The following CHRDL2 variants were observed in gnomAD, a reference collection of about 807,000 sequenced individuals.
CHRDL2 encodes the protein chordin-like protein 2.
CHRDL2 carries 41 observed loss-of-function variants against 54.3 expected under a neutral mutation model. That is an observed-to-expected ratio of 0.76 (90% confidence interval 0.59 to 0.98). The LOEUF is 0.98. Ranked by LOEUF, CHRDL2 falls within the 50% of genes least tolerant of loss-of-function variation. The pLI is 0.00. For synonymous variants in CHRDL2, 220 were observed against 224.3 expected, an observed-to-expected ratio of 0.98 and a Z score of 0.17; for missense variants, 518 against 562.4, an observed-to-expected ratio of 0.92 and a Z score of 0.80.
intron 4 of CHRDL2, 78 bp from the exon 5 acceptor site, chr11:74,708,473 T>G (rs890382737): frequency 9.3e-7 from 1 of 1,070,712 alleles, no homozygotes; most frequent in African/African-American, 1.6e-5. Context: ...CCCCCTTCCC[T>G]GGGAGCAAAT....
In CHRDL2 at chr11:74,697,524, C is replaced by CA. The variant is rs1488899244; in HGVS notation, c.1121-228dup. The stretch of plus-strand genomic sequence containing the variant: ...CCCTGTTGTCTTGTCTGGGTCACTA[C>CA]ACTAGAGTCCTAACCCCTTTCACTC... On this transcript the variant is annotated intron_variant, in intron 9 of 10. Transcript: ENST00000376332. 35 of 578,134 alleles carry CA rather than the reference C, an allele frequency of 6.1e-5. No homozygotes were observed. In the African/African-American group the frequency reaches 6.1e-4, roughly 10 times the overall value. The allele number at this position is 578,134 out of a possible 1,614,324, so 35.8% of individuals were successfully genotyped here.
intron 4 of CHRDL2, among the ~76,000 whole-genome samples, chr11:74,709,012 G>T (rs1235068311): frequency 6.6e-6 from 1 of 152,230 alleles, no homozygotes; most frequent in African/African-American, 2.4e-5. Context: ...TGAGGGAATG[G>T]CTGTGAAAAG....
In CHRDL2 at chr11:74,704,602, C is replaced by G. The variant is rs554292884; in HGVS notation, c.635G>C (p.Gly212Ala). The G allele has an allele frequency of 1.4e-5, 22 of 1,602,012 alleles. No individual in the cohort carries two copies. In the South Asian group the frequency reaches 2.5e-4, roughly 18 times the overall value. ...SSDAGRKRGPGTPAPTGLSAP... is the reference protein window; with the variant it reads ...SSDAGRKRGPATPAPTGLSAP... ...GCTGAGGCCAGTGGGGGCTGGGGTGCCCGGGCCTCTCTTTCTCCCAGCATC... is the reference window on the plus strand; with the variant it reads ...GCTGAGGCCAGTGGGGGCTGGGGTGGCCGGGCCTCTCTTTCTCCCAGCATC... The change falls in exon 7 of 11, where the codon GGC (glycine) becomes GCC (alanine). Residue 212 changes from glycine to alanine, a missense_variant. By Grantham distance (60) the Gly-to-Ala change is moderately conservative. Coordinates refer to ENST00000376332, the MANE Select transcript of CHRDL2 (RefSeq NM_001278473.3).
intron 2 of CHRDL2, among the ~76,000 whole-genome samples, chr11:74,717,965 C>G (rs1565156957): frequency 6.6e-6 from 1 of 152,210 alleles, no homozygotes; most frequent in Non-Finnish European, 1.5e-5. Context: ...TTCTGGACCA[C>G]ATGGGGGTCT....
intron 6 of CHRDL2, 185 bp from the exon 7 acceptor site, chr11:74,704,839 C>T (rs1055777949): frequency 6.4e-6 from 4 of 628,410 alleles, no homozygotes; most frequent in East Asian, 6.3e-5. Flanking sequence ...TCAGACAGTT[C>T]GATCTTTGAA....
chr11:74,703,499 G>A lies in CHRDL2; in HGVS notation c.752C>T (p.Ala251Val). The change falls in exon 8 of 11, where the codon GCC becomes GTC. Residue 251 changes from alanine (A) to valine (V), a missense_variant and splice_region_variant. Transcript: ENST00000376332. ...KIVLKEKHKK[A>V]CVHGGKTYSH... Reference sequence around the variant, plus strand: ...GTACGTCTTCCCGCCATGCACACAGGCTGAATAAGGAGGGTGAGAAGGAAG... The same window carrying A: ...GTACGTCTTCCCGCCATGCACACAGACTGAATAAGGAGGGTGAGAAGGAAG... The A allele has an allele frequency of 6.3e-7, 1 of 1,586,138 alleles. No individual in the cohort carries two copies. The highest frequency in any genetic ancestry group is 8.6e-7 in the Non-Finnish European group (1 of 1,163,112).
chr11:74,719,014 C>T (rs901254204), intron 1 of CHRDL2, 182 bp from the exon 2 acceptor site: 17 of 585,108 alleles, frequency 2.9e-5, no homozygotes, highest in Admixed American at 2.4e-4. Flanking sequence ...GTTTGAATCT[C>T]GGCTTTACCA....
At chr11:74,729,733 G>A (rs943194413) in intron 1 of CHRDL2, among the ~76,000 whole-genome samples, 71 of 152,192 alleles carry the variant, frequency 4.7e-4, no homozygotes, top group African/African-American at 1.7e-3. Flanking sequence ...CCCAGGCTGT[G>A]CCATGTATGT....
intron 10 of CHRDL2, 45 bp downstream of exon 10, chr11:74,697,157 CCTT>C (rs2033624916): frequency 1.3e-6 from 2 of 1,489,578 alleles, no homozygotes. Flanking sequence ...TGGCCCGTGT[CCTT>C]GCCTTCTTCC....
At chr11:74,697,075 C>T (rs2033621105) in intron 10 of CHRDL2, 130 bp downstream of exon 10, 10 of 673,750 alleles carry the variant, frequency 1.5e-5, no homozygotes, top group East Asian at 5.2e-5. Flanking sequence ...GATTCCTGTG[C>T]TGGGAACTGA....
chr11:74,699,153 A>AT (rs1762717587), intron 9 of CHRDL2: 2 of 152,290 alleles, frequency 1.3e-5, no homozygotes, highest in Admixed American at 1.3e-4. Context: ...AACAAGCATG[A>AT]GATGAGATGG....
Position 74,704,487 on chromosome 11 carries a change from T to G in CHRDL2, c.750A>C (p.Lys250Asn). Residue 250 changes from lysine to asparagine, a missense_variant and splice_region_variant, in exon 7 of 11, where the codon AAA (lysine) becomes AAC (asparagine). Transcript: ENST00000376332. ...VKIVLKEKHKKACVHGGKTYS... is the reference protein window; with the variant it reads ...VKIVLKEKHKNACVHGGKTYS... ...ATTGGAGGAGGGTCCAGTCCCCACC[T>G]TTCTTATGTTTCTCCTTCAGGACGA... The G allele has an allele frequency of 6.3e-7, 1 of 1,584,938 alleles. No individual in the cohort carries two copies. The highest frequency in any genetic ancestry group is 1.2e-5 in the South Asian group (1 of 85,080).
At chr11:74,724,148 A>G (rs2034537794) in intron 1 of CHRDL2, among the ~76,000 whole-genome samples, 1 of 152,260 alleles carries the variant, frequency 6.6e-6, no homozygotes, top group Non-Finnish European at 1.5e-5. Context: ...TTCTCTAGGA[A>G]CATGCCTGAG....
At chr11:74,719,697 C>T (rs915577514) in intron 1 of CHRDL2, among the ~76,000 whole-genome samples, 5 of 152,174 alleles carry the variant, frequency 3.3e-5, no homozygotes, top group Non-Finnish European at 7.3e-5. Flanking sequence ...TTTTTGCAAT[C>T]GCACATCAGT....
chr11:74,719,072 C>T lies in CHRDL2; in HGVS notation c.83-240G>A, dbSNP rs75439151. ...GCATGCCACTGTCTCTGAGCCTTAA[C>T]GCTTATCTCACAGGGCAGTTAGGGA... On this transcript the variant is annotated intron_variant, in intron 1 of 10. Transcript: ENST00000376332. 4.0e-3 allele frequency: 1,950 copies of T among 485,150 alleles called. 11 individuals carry two copies. The highest frequency in any genetic ancestry group is 0.039 in the Middle Eastern group (76 of 1,942). The allele number at this position is 485,150 out of a possible 1,614,324, so 30.1% of individuals were successfully genotyped here.
In CHRDL2 at chr11:74,731,063, G is replaced by GGGA; in HGVS notation, c.-178_-176dup. ...GGTGGGCAGGAAAGGAGGGCAGGAA[G>GGGA]GGAGGTCTAAGGTGGGAAGAAGAGA... On this transcript the variant is annotated 5_prime_UTR_variant, in exon 1 of 11. Coordinates refer to ENST00000376332, the MANE Select transcript of CHRDL2 (RefSeq NM_001278473.3). The surrounding 1 kb of genome is among the most constrained non-coding windows in gnomAD (Gnocchi z 4.4). 1.7e-6 allele frequency: 1 copy of GGGA among 603,188 alleles called. No homozygotes were observed. The highest frequency in any genetic ancestry group is 1.9e-5 in the African/African-American group (1 of 53,906). 37.4% of individuals were successfully genotyped at this position (603,188 alleles called of 1,614,324 possible).
chr11:74,702,326 G>T (rs2033845195), intron 9 of CHRDL2, among the ~76,000 whole-genome samples: 1 of 152,060 alleles, frequency 6.6e-6, no homozygotes, highest in Non-Finnish European at 1.5e-5. Context: ...TGAAGAGGGT[G>T]GGTTTCTCAC....
chr11:74,730,531 C>T (rs939008448), intron 1 of CHRDL2, among the ~76,000 whole-genome samples: 6 of 152,060 alleles, frequency 3.9e-5, no homozygotes, highest in Non-Finnish European at 7.4e-5. Context: ...AACAGTAAGT[C>T]CTCCCCCAAC....
intron 9 of CHRDL2, among the ~76,000 whole-genome samples, chr11:74,699,884 C>T (rs1319761975): frequency 6.6e-6 from 1 of 152,224 alleles, no homozygotes; most frequent in East Asian, 1.9e-4. Context: ...TTTAGGCAAC[C>T]CACAGGGTGA....
Sources: gnomAD v4.1 joint callset for allele counts (sites outside exome capture counted in the v4.1 genomes callset) on GRCh38, gnomAD v4.1.1 for gene constraint, Gnocchi (gnomAD v3.1) non-coding constraint, MANE v1.5 for transcripts, NCBI Gene and HGNC (gene_info 2026-07-23, HGNC 2026-07-21) for gene names.